Variants in KALRN observed in about 807,000 individuals in gnomAD.
The protein encoded by KALRN is kalirin.
A neutral mutation model predicts 353.7 loss-of-function variants in KALRN; 70 were observed. The ratio of observed to expected loss-of-function variants is 0.20; its 90% CI spans 0.16 to 0.24. The LOEUF is 0.24. Ranked by LOEUF, KALRN falls within the 10% of genes least tolerant of loss-of-function variation. KALRN has a pLI of 1.00. For synonymous variants in KALRN, 1,391 were observed against 1,434.8 expected, an observed-to-expected ratio of 0.97 and a Z score of 0.69; for missense variants, 2,791 against 3,756.7, an observed-to-expected ratio of 0.74 and a Z score of 6.72.
rs1280583565 is a variant in KALRN, at chr3:124,723,726, T to A, written c.*4256T>A. ...TACCGAAAAGGGTTAGGAGAGCTGA[T>A]GAAGTCTTATGTCCATAAGTTGTTT... On this transcript the variant is annotated 3_prime_UTR_variant, in exon 60 of 60. Coordinates refer to ENST00000682506, the MANE Select transcript of KALRN (RefSeq NM_001388419.1). The A allele has an allele frequency of 6.6e-6, 1 of 152,226 alleles. No homozygotes were observed. Among genetic ancestry groups the A allele is most frequent in the African/African-American group, 2.4e-5 (1 of 41,462 alleles). 9.4% of individuals were successfully genotyped at this position (152,226 alleles called of 1,614,324 possible). A position where few individuals can be genotyped will look rare whatever the true frequency, so the allele number is the denominator to read the frequency against.
chr3:124,527,718 G>A (rs1172883303), intron 33 of KALRN, among the ~76,000 whole-genome samples: 3 of 152,142 alleles, frequency 2.0e-5, no homozygotes, highest in Non-Finnish European at 4.4e-5. Context: ...CCACTGAAGC[G>A]AAGAGGGTGC....
intron 33 of KALRN, among the ~76,000 whole-genome samples, chr3:124,501,595 G>C (rs1248704149): frequency 6.6e-6 from 1 of 152,180 alleles, no homozygotes; most frequent in Non-Finnish European, 1.5e-5. Flanking sequence ...GGGCAGCCTG[G>C]CTGCAGGAGC....
intron 5 of KALRN, among the ~76,000 whole-genome samples, chr3:124,279,962 T>A (rs2075174849): frequency 6.6e-6 from 1 of 152,010 alleles, no homozygotes; most frequent in South Asian, 2.1e-4. Context: ...ATGTCTGCAG[T>A]TGGGTGTGGC....
chr3:124,101,705 C>T (rs1385310596), intron 1 of KALRN, among the ~76,000 whole-genome samples: 1 of 152,130 alleles, frequency 6.6e-6, no homozygotes, highest in African/African-American at 2.4e-5. Flanking sequence ...TTTTCTGGCT[C>T]CTCATCTTCT....
At chr3:124,632,392 CA>C (rs764116329) in intron 34 of KALRN, 27 bp from the exon 35 acceptor site, 1 of 1,609,204 alleles carries the variant, frequency 6.2e-7, no homozygotes, top group African/African-American at 1.3e-5. Context: ...CCACCTCTGA[CA>C]TGGCTGTGTC....
At chr3:124,689,073 C>T (rs1453915799) in intron 51 of KALRN, among the ~76,000 whole-genome samples, 3 of 152,226 alleles carry the variant, frequency 2.0e-5, no homozygotes, top group African/African-American at 7.2e-5. Context: ...AGTTCTTTCC[C>T]ACGGTGTCTA....
At chr3:124,110,475 A>G (rs555096514) in intron 1 of KALRN, among the ~76,000 whole-genome samples, 2,200 of 150,824 alleles carry the variant, frequency 0.015, 83 homozygotes, top group African/African-American at 0.05. Flanking sequence ...GCGCGCACAC[A>G]CACACACACA....
At chr3:124,469,506 A>G (rs969307644) in intron 25 of KALRN, among the ~76,000 whole-genome samples, 14 of 152,242 alleles carry the variant, frequency 9.2e-5, no homozygotes, top group African/African-American at 2.6e-4. Context: ...AGAGCCTCTT[A>G]TGTTCTAGGC....
At chr3:124,478,247 G>T (rs1360839996) in intron 27 of KALRN, among the ~76,000 whole-genome samples, 3 of 152,174 alleles carry the variant, frequency 2.0e-5, no homozygotes, top group African/African-American at 2.4e-5. Flanking sequence ...TAGAAACTCA[G>T]CCCTTTTTAA....
At chr3:124,645,085 G>A (rs2082536948) in intron 37 of KALRN, among the ~76,000 whole-genome samples, 1 of 152,182 alleles carries the variant, frequency 6.6e-6, no homozygotes, top group Admixed American at 6.5e-5. Context: ...CAGTGGTGAT[G>A]AGCTTTTTTT....
chr3:124,696,094 C>T, intron 53 of KALRN, 40 bp from the exon 54 acceptor site: 2 of 1,609,414 alleles, frequency 1.2e-6, no homozygotes, highest in Middle Eastern at 1.7e-4. Context: ...TCAAGTGTCT[C>T]ATTACTGGAG....
intron 1 of KALRN, among the ~76,000 whole-genome samples, chr3:124,048,394 A>G (rs1273969833): frequency 6.6e-6 from 1 of 152,238 alleles, no homozygotes; most frequent in African/African-American, 2.4e-5. Flanking sequence ...TTTAACAAAA[A>G]GAGGATCATG....
At chr3:124,515,240 C>T (rs954095029) in intron 33 of KALRN, among the ~76,000 whole-genome samples, 11 of 152,062 alleles carry the variant, frequency 7.2e-5, no homozygotes, top group African/African-American at 2.7e-4. Flanking sequence ...ATGGGGCCTA[C>T]AGTATATTAA....
chr3:124,583,097 A>G (rs1373813214), intron 34 of KALRN, among the ~76,000 whole-genome samples: 2 of 152,204 alleles, frequency 1.3e-5, no homozygotes, highest in Non-Finnish European at 2.9e-5. Flanking sequence ...ACATAGATAA[A>G]TAAAGCACAA....
chr3:124,120,307 A>G (rs1423073425), intron 1 of KALRN, among the ~76,000 whole-genome samples: 1 of 152,122 alleles, frequency 6.6e-6, no homozygotes, highest in Non-Finnish European at 1.5e-5. Flanking sequence ...TTGCTGTCCA[A>G]AGTCAGCCTT....
intron 1 of KALRN, among the ~76,000 whole-genome samples, chr3:124,158,611 T>G (rs67275200): frequency 0.28 from 42,044 of 152,192 alleles, 6,412 homozygotes; most frequent in East Asian, 0.47. Flanking sequence ...AAGCAATCCC[T>G]GACATGCCCT....
chr3:124,193,304 T>A (rs1441141455), intron 1 of KALRN, among the ~76,000 whole-genome samples: 1 of 152,072 alleles, frequency 6.6e-6, no homozygotes, highest in African/African-American at 2.4e-5. Context: ...TTTTTATGGG[T>A]GAAGAAATGA....
At chr3:124,235,730 GACGGC>G (rs1404781862) in intron 3 of KALRN, among the ~76,000 whole-genome samples, 1 of 152,188 alleles carries the variant, frequency 6.6e-6, no homozygotes, top group African/African-American at 2.4e-5. Flanking sequence ...CTTGAGCAGC[GACGGC>G]ACTGCTCTCT....
chr3:124,147,138 A>T (rs144528291), intron 1 of KALRN, among the ~76,000 whole-genome samples: 4 of 152,162 alleles, frequency 2.6e-5, no homozygotes, highest in Admixed American at 2.6e-4. Context: ...TATCACAGCT[A>T]GTGAGTGGTG....
Sources: allele counts gnomAD v4.1 joint callset (sites outside exome capture counted in the v4.1 genomes callset), GRCh38; gene constraint gnomAD v4.1.1; transcripts MANE v1.5; gene names NCBI Gene and HGNC (gene_info 2026-07-23, HGNC 2026-07-21).